Variants in RASEF observed in about 807,000 individuals in gnomAD.
RASEF encodes RAS and EF-hand domain containing.
A neutral mutation model predicts 90.1 loss-of-function variants in RASEF; 68 were observed. The ratio of observed to expected loss-of-function variants is 0.75; its 90% CI spans 0.62 to 0.92. The LOEUF is 0.92. Ranked by LOEUF, RASEF falls within the 40% of genes least tolerant of loss-of-function variation. RASEF has a pLI of 0.00. For synonymous variants in RASEF, 331 were observed against 345.2 expected (o/e 0.96, Z 0.46); for missense variants, 949 against 937.2 (o/e 1.01, Z -0.16).
chr9:83,010,217 C>T (rs1160534785), intron 5 of RASEF, among the ~76,000 whole-genome samples: 1 of 151,996 alleles, frequency 6.6e-6, no homozygotes, highest in Non-Finnish European at 1.5e-5. Flanking sequence ...TAAAAATAAA[C>T]CAGTGTGATT....
intron 1 of RASEF, among the ~76,000 whole-genome samples, chr9:83,047,042 A>C (rs1374764370): frequency 2.0e-5 from 3 of 152,242 alleles, no homozygotes; most frequent in Non-Finnish European, 2.9e-5. Flanking sequence ...CACAGAGGGC[A>C]TCAAGGCTGA....
rs1828790652 is a variant in RASEF, at chr9:82,990,404, G to C, written c.2104C>G (p.Leu702Val). Reference protein sequence around the residue: ...KDGSNIVEAVLHLAREVKKRT... With the variant: ...KDGSNIVEAVVHLAREVKKRT... ...CCCAAACTTTACCGAGCAAGGTGCA[G>C]AACAGCCTCCACTATGTTAGAACCA... The change falls in exon 16 of 17, where the codon CTG (leucine) becomes GTG (valine). Residue 702 changes from leucine (L) to valine (V), a missense_variant. By Grantham distance (32) the Leu-to-Val change is conservative (BLOSUM62 1). This residue lies in a region of RASEF where 288 missense variants were observed against 328.4 expected (regional missense o/e 0.88). Transcript: ENST00000376447. The C allele has an allele frequency of 2.5e-6, 4 of 1,613,136 alleles. No individual in the cohort carries two copies. Among genetic ancestry groups the C allele is most frequent in the Non-Finnish European group, 3.4e-6 (4 of 1,179,350 alleles).
the RASEF span, among the ~76,000 whole-genome samples, chr9:83,115,008 G>A: frequency 2.6e-5 from 4 of 152,014 alleles, no homozygotes; most frequent in Non-Finnish European, 5.9e-5. Context: ...TACGGCTTGG[G>A]GGACATCACG....
chr9:83,218,054 G>A, the RASEF span, among the ~76,000 whole-genome samples: 1 of 152,226 alleles, frequency 6.6e-6, no homozygotes, highest in African/African-American at 2.4e-5. Context: ...GTTGTCTCTG[G>A]TCCTGTGGAA....
the RASEF span, among the ~76,000 whole-genome samples, chr9:83,107,594 A>G: frequency 3.9e-5 from 6 of 152,200 alleles, no homozygotes; most frequent in Non-Finnish European, 8.8e-5. Context: ...CATGAAGATC[A>G]CTAATTATTG....
At chr9:83,145,640 A>G in the RASEF span, among the ~76,000 whole-genome samples, 162 of 152,230 alleles carry the variant, frequency 1.1e-3, 1 homozygote, top group African/African-American at 3.7e-3. Context: ...GTTAAGCTTA[A>G]TATTAAAAAG....
the RASEF span, among the ~76,000 whole-genome samples, chr9:83,102,453 T>A: frequency 5.9e-5 from 9 of 152,168 alleles, no homozygotes; most frequent in African/African-American, 9.7e-5. Context: ...GCCGTACACA[T>A]GTCTGCAAAT....
At chr9:83,104,542 C>T in the RASEF span, among the ~76,000 whole-genome samples, 5 of 152,212 alleles carry the variant, frequency 3.3e-5, no homozygotes, top group East Asian at 5.8e-4. Context: ...GTGTCTGCCA[C>T]AGAAAAGGAC....
At chr9:83,176,982 T>C in the RASEF span, among the ~76,000 whole-genome samples, 1 of 152,140 alleles carries the variant, frequency 6.6e-6, no homozygotes. Context: ...TTCTTACTGA[T>C]TTGTATTACC....
At chr9:82,984,887 G>C (rs1423922804) in intron 16 of RASEF, among the ~76,000 whole-genome samples, 1 of 152,174 alleles carries the variant, frequency 6.6e-6, no homozygotes, top group African/African-American at 2.4e-5. Context: ...TAATTTCATG[G>C]TCCTGAGACA....
chr9:83,145,477 C>A, the RASEF span, among the ~76,000 whole-genome samples: 1 of 151,788 alleles, frequency 6.6e-6, no homozygotes, highest in Non-Finnish European at 1.5e-5. Context: ...CGTTTAGGGC[C>A]CAGTAGGGCC....
At chr9:83,169,837 G>T in the RASEF span, among the ~76,000 whole-genome samples, 1 of 151,692 alleles carries the variant, frequency 6.6e-6, no homozygotes, top group African/African-American at 2.4e-5. Flanking sequence ...TATATATTCT[G>T]GTTACTAGTC....
the RASEF span, among the ~76,000 whole-genome samples, chr9:83,195,672 A>G: frequency 6.6e-6 from 1 of 152,174 alleles, no homozygotes; most frequent in African/African-American, 2.4e-5. Flanking sequence ...TAAGTGATAC[A>G]TATCTATTTT....
the RASEF span, among the ~76,000 whole-genome samples, chr9:83,170,903 T>A: frequency 6.6e-6 from 1 of 151,942 alleles, no homozygotes; most frequent in Admixed American, 6.6e-5. Flanking sequence ...TCCAATTTGG[T>A]TGCCTTTTCT....
At chr9:83,086,285 T>C in the RASEF span, among the ~76,000 whole-genome samples, 3 of 152,140 alleles carry the variant, frequency 2.0e-5, no homozygotes, top group African/African-American at 7.2e-5. Flanking sequence ...TCATTTTTTT[T>C]ATAAGGAAGC....
In RASEF at chr9:83,025,727, G is replaced by C. The variant is rs760616028; in HGVS notation, c.578+48C>G. The C allele has an allele frequency of 3.2e-6, 5 of 1,584,856 alleles. No individual in the cohort carries two copies. In the Admixed American group the frequency reaches 8.7e-5, roughly 27 times the overall value. The stretch of plus-strand genomic sequence containing the variant: ...GTCCATTTGCCACCCAGGTCAGAGA[G>C]CAAGTTAAAGCACCCACAGGCCACT... On this transcript the variant is annotated intron_variant, in intron 2 of 16. Transcript: ENST00000376447.
chr9:83,087,405 T>TTCTCTCTCTCTC, the RASEF span, among the ~76,000 whole-genome samples: 6,458 of 115,394 alleles, frequency 0.056, 584 homozygotes, highest in East Asian at 0.28. Context: ...TTCTCATTCA[T>TTCTCTCTCTCTC]TCTCTCTCTC....
the RASEF span, among the ~76,000 whole-genome samples, chr9:83,134,418 A>G: frequency 2.0e-5 from 3 of 149,882 alleles, no homozygotes; most frequent in East Asian, 5.9e-4. Context: ...GCGCACACAC[A>G]CACACACACA....
At chr9:83,186,337 G>T in the RASEF span, among the ~76,000 whole-genome samples, 3 of 152,084 alleles carry the variant, frequency 2.0e-5, no homozygotes, top group African/African-American at 7.2e-5. Flanking sequence ...TTAGAAATGC[G>T]TCCCTACATT....
Sources: gnomAD v4.1 joint callset for allele counts (sites outside exome capture counted in the v4.1 genomes callset) on GRCh38, gnomAD v4.1.1 for gene constraint, gnomAD v4.1.1 regional missense constraint, MANE v1.5 for transcripts, NCBI Gene and HGNC (gene_info 2026-07-23, HGNC 2026-07-21) for gene names.